The following KLB variants were observed in gnomAD, a reference collection of about 807,000 sequenced individuals.
KLB encodes klotho beta.
Under a neutral mutation model 88.4 loss-of-function variants are expected in KLB, and 44 were observed. The ratio of observed to expected loss-of-function variants is 0.50; its 90% CI spans 0.39 to 0.64. The LOEUF is 0.64. KLB is among the 30% of genes least tolerant of loss of function. The probability of loss-of-function intolerance (pLI) is 0.00; values close to 1 mark genes in which losing one functional copy is unlikely to be tolerated. For synonymous variants in KLB, 548 were observed against 513.4 expected, an observed-to-expected ratio of 1.07 and a Z score of -0.91; for missense variants, 1,137 against 1,304.8, an observed-to-expected ratio of 0.87 and a Z score of 1.98.
At position 39,449,398 on chromosome 4, in the gene KLB, TG is replaced by T. The variant is rs1743840056; in HGVS notation, c.*715del. 1 of 151,794 alleles carries T rather than the reference TG, an allele frequency of 6.6e-6. No individual in the cohort carries two copies. Among genetic ancestry groups the T allele is most frequent in the Admixed American group, 6.6e-5 (1 of 15,236 alleles). 9.4% of individuals were successfully genotyped at this position (151,794 alleles called of 1,614,324 possible). The stretch of plus-strand genomic sequence containing the variant: ...AGAGATTTAACACCCTTCTTTAAAC[TG>T]GGTAGTCAGTGATAGATAATATATA... On this transcript the variant is annotated 3_prime_UTR_variant, in exon 5 of 5. Transcript: ENST00000257408.
At chr4:39,438,228 TG>T (rs1185883296) in intron 3 of KLB, among the ~76,000 whole-genome samples, 1 of 152,218 alleles carries the variant, frequency 6.6e-6, no homozygotes, top group African/African-American at 2.4e-5. Flanking sequence ...GTGAAGAGGC[TG>T]CCCTCAAGGA....
rs1295394908 is a variant in KLB, at chr4:39,434,348, T to A, written c.964T>A (p.Ser322Thr). The A allele has an allele frequency of 6.2e-7, 1 of 1,614,152 alleles. No individual in the cohort carries two copies. The change falls in exon 2 of 5, where the codon TCC becomes ACC. Residue 322 changes from serine to threonine, a missense_variant. By Grantham distance (58) the Ser-to-Thr change is moderately conservative (BLOSUM62 1). Coordinates refer to ENST00000257408, the MANE Select transcript of KLB (RefSeq NM_175737.4). Reference protein sequence around the residue: ...NTMDIFKCQQSMVSVLGWFAN... With the variant: ...NTMDIFKCQQTMVSVLGWFAN... Reference sequence around the variant, plus strand: ...GATGGATATATTCAAATGTCAACAATCCATGGTTTCTGTGCTTGGATGGTT... The same window carrying A: ...GATGGATATATTCAAATGTCAACAAACCATGGTTTCTGTGCTTGGATGGTT...
At chr4:39,436,449 G>A (rs1191219144) in intron 2 of KLB, among the ~76,000 whole-genome samples, 1 of 152,162 alleles carries the variant, frequency 6.6e-6, no homozygotes, top group African/African-American at 2.4e-5. Context: ...TTCCCCAGGT[G>A]TTACCATTCC....
At chr4:39,442,737 CCTCT>C (rs1447140005) in intron 3 of KLB, among the ~76,000 whole-genome samples, 2 of 152,110 alleles carry the variant, frequency 1.3e-5, no homozygotes, top group Non-Finnish European at 1.5e-5. Context: ...CCGGCCTCTG[CCTCT>C]CTGTTTTATA....
chr4:39,408,955 A>AC (rs61167441), intron 1 of KLB, among the ~76,000 whole-genome samples: 31,695 of 108,794 alleles, frequency 0.29, 4,430 homozygotes, highest in East Asian at 0.43. Flanking sequence ...GTAGAAAAAA[A>AC]ATACAGCAAC....
rs746847648 is a variant in KLB at position 39,447,487 on chromosome 4, G to C, written c.2749+12G>C. 4 of 1,546,006 alleles carry C rather than the reference G, an allele frequency of 2.6e-6. No individual in the cohort carries two copies. The highest frequency in any genetic ancestry group is 3.5e-6 in the Non-Finnish European group (4 of 1,147,034). ...GGAGGTGCTGAAAGGTAAGGGCGGG[G>C]CCCCTTCAGACACAGGGCAGAGCGA... On this transcript the variant is annotated intron_variant, in intron 4 of 4. Transcript: ENST00000257408.
intron 4 of KLB, among the ~76,000 whole-genome samples, chr4:39,447,756 GTTAC>G (rs539322039): frequency 1.7e-3 from 254 of 152,276 alleles, no homozygotes; most frequent in Middle Eastern, 3.4e-3. Flanking sequence ...ACTATTTTGG[GTTAC>G]TTATTTTCAC....
At chr4:39,417,841 T>C (rs1032136516) in intron 1 of KLB, among the ~76,000 whole-genome samples, 3 of 152,166 alleles carry the variant, frequency 2.0e-5, no homozygotes, top group African/African-American at 7.2e-5. Flanking sequence ...CAACTTACAA[T>C]TGATGAAACT....
intron 2 of KLB, among the ~76,000 whole-genome samples, chr4:39,437,171 T>C (rs1219497557): frequency 6.6e-6 from 1 of 152,228 alleles, no homozygotes; most frequent in Non-Finnish European, 1.5e-5. Flanking sequence ...CCCTGGAGCA[T>C]AGCAGGGTAA....
chr4:39,413,739 TAAATAAAATA>T (rs988245096), intron 1 of KLB, among the ~76,000 whole-genome samples: 1 of 149,130 alleles, frequency 6.7e-6, no homozygotes, highest in Non-Finnish European at 1.5e-5. Context: ...AAAAAAAAAA[TAAATAAAATA>T]AAATAAAATA....
chr4:39,437,911 T>C lies in KLB; in HGVS notation c.1521T>C (p.Gly507=), dbSNP rs550972693. 1.4e-5 allele frequency: 23 copies of C among 1,614,048 alleles called. No individual in the cohort carries two copies. The Admixed American group carries it at 3.7e-4, about 26-fold the overall frequency. Residue 507 remains glycine, a synonymous_variant, in exon 3 of 5, where the codon GGT becomes GGC. Transcript: ENST00000257408. ...ACAAACAGATCATACGAGAAAATGGTTTTTCTTTAAAAGAGTCCACGCCAG... is the reference window on the plus strand; with the variant it reads ...ACAAACAGATCATACGAGAAAATGGCTTTTCTTTAAAAGAGTCCACGCCAG... The part of the protein sequence containing the change: ...HYYKQIIREN[G]FSLKESTPDV...
At position 39,437,900 on chromosome 4, in the gene KLB, C is replaced by G. The variant is rs141653486; in HGVS notation, c.1510C>G (p.Arg504Gly). The G allele has an allele frequency of 6.7e-5, 108 of 1,614,120 alleles. No individual in the cohort carries two copies. The African/African-American group carries it at 1.3e-3, about 20-fold the overall frequency. Residue 504 changes from arginine to glycine, a missense_variant, in exon 3 of 5, where the codon CGA (arginine) becomes GGA (glycine). Around this residue, in one of 4 missense-constraint regions of KLB, gnomAD observed 597 missense variants for 765.2 expected, o/e 0.78. Transcript: ENST00000257408. ...AGCACACTACTACAAACAGATCATACGAGAAAATGGTTTTTCTTTAAAAGA... is the reference window on the plus strand; with the variant it reads ...AGCACACTACTACAAACAGATCATAGGAGAAAATGGTTTTTCTTTAAAAGA... ...SSAHYYKQII[R>G]ENGFSLKEST...
chr4:39,443,818 G>A (rs1743673767), intron 3 of KLB, among the ~76,000 whole-genome samples: 1 of 149,336 alleles, frequency 6.7e-6, no homozygotes, highest in Non-Finnish European at 1.5e-5. Context: ...GGGACTCTAT[G>A]AATATCCTAT....
At chr4:39,416,420 A>T (rs1243672356) in intron 1 of KLB, among the ~76,000 whole-genome samples, 1 of 152,210 alleles carries the variant, frequency 6.6e-6, no homozygotes, top group Non-Finnish European at 1.5e-5. Flanking sequence ...AACTTTTTTT[A>T]AATCTTCATA....
intron 3 of KLB, among the ~76,000 whole-genome samples, chr4:39,445,684 G>GTTTTTTTTTTTT (rs67319815): frequency 3.2e-5 from 3 of 94,960 alleles, no homozygotes; most frequent in Admixed American, 1.2e-4. Flanking sequence ...TTGTTTTTTT[G>GTTTTTTTTTTTT]TTTTTTTTTT....
intron 1 of KLB, among the ~76,000 whole-genome samples, chr4:39,409,848 C>T (rs375903411): frequency 4.6e-5 from 7 of 151,924 alleles, no homozygotes; most frequent in East Asian, 2.0e-4. Context: ...CCCTTGAACC[C>T]GGGAGGCAGA....
At chr4:39,425,210 A>G (rs1374117911) in intron 1 of KLB, among the ~76,000 whole-genome samples, 1 of 152,246 alleles carries the variant, frequency 6.6e-6, no homozygotes, top group Non-Finnish European at 1.5e-5. Context: ...TAGATGCTTC[A>G]TTTAATCAAA....
intron 1 of KLB, among the ~76,000 whole-genome samples, chr4:39,420,128 G>A (rs1299238321): frequency 2.0e-5 from 3 of 152,050 alleles, no homozygotes; most frequent in Non-Finnish European, 4.4e-5. Flanking sequence ...GGGTGATCTA[G>A]TAGTGTTACT....
chr4:39,419,944 CAAAAA>C (rs34834552), intron 1 of KLB, among the ~76,000 whole-genome samples: 3 of 81,766 alleles, frequency 3.7e-5, no homozygotes, highest in Non-Finnish European at 4.5e-5. Flanking sequence ...AACTTCATCT[CAAAAA>C]AAAAAAAAAA....
Sources: allele counts gnomAD v4.1 joint callset (sites outside exome capture counted in the v4.1 genomes callset), GRCh38; gene constraint gnomAD v4.1.1; regional missense constraint gnomAD v4.1.1; transcripts MANE v1.5; gene names NCBI Gene and HGNC (gene_info 2026-07-23, HGNC 2026-07-21).